The following RBFOX1 variants were observed in gnomAD, a reference collection of about 807,000 sequenced individuals.
The protein encoded by RBFOX1 is RNA binding protein fox-1 homolog 1.
RBFOX1 carries 8 observed loss-of-function variants against 57.7 expected under a neutral mutation model. The ratio of observed to expected loss-of-function variants is 0.14; its 90% CI spans 0.08 to 0.25. RBFOX1 has a LOEUF of 0.25. Among genes scored for constraint, RBFOX1 ranks in the 10% least tolerant of loss-of-function variants. RBFOX1 has a pLI of 1.00. For missense variants in RBFOX1, 611 were observed against 548.5 expected (o/e 1.11, Z -1.14); for synonymous variants, 326 against 222.4 (o/e 1.47, Z -4.15).
chr16:6,889,635 G>A lies in RBFOX1; in HGVS notation c.-15-162422G>A, dbSNP rs1055160025. ...AAGGGAAGAGTGCCAATCCATATCC[G>A]TAAGCCCATCCTCAATCCACCAGCT... On this transcript the variant is annotated intron_variant, in intron 3 of 15. Coordinates refer to ENST00000550418, the MANE Select transcript of RBFOX1 (RefSeq NM_018723.4). 5.9e-5 allele frequency among the ~76,000 whole-genome samples: 9 copies of A among 152,142 alleles called. 1 individual carries two copies. Among genetic ancestry groups the A allele is most frequent in the South Asian group, 2.1e-4 (1 of 4,830 alleles).
chr16:7,449,865 C>G (rs960918095), intron 4 of RBFOX1, among the ~76,000 whole-genome samples: 7 of 151,952 alleles, frequency 4.6e-5, no homozygotes, highest in African/African-American at 1.5e-4. Context: ...AGAGGAGTCT[C>G]AAATGCGAGG....
intron 2 of RBFOX1, among the ~76,000 whole-genome samples, chr16:6,361,361 G>A (rs901637714): frequency 1.1e-4 from 16 of 152,096 alleles, no homozygotes; most frequent in African/African-American, 3.6e-4. Context: ...CAGGCGCGGT[G>A]GCTCACACCT....
chr16:6,389,140 G>T (rs945960691), intron 2 of RBFOX1, among the ~76,000 whole-genome samples: 3 of 152,154 alleles, frequency 2.0e-5, no homozygotes, highest in African/African-American at 4.8e-5. Context: ...TCATCAGTAC[G>T]TTCAGTTCAT....
intron 4 of RBFOX1, among the ~76,000 whole-genome samples, chr16:7,500,664 C>A (rs2070457051): frequency 6.6e-6 from 1 of 152,170 alleles, no homozygotes; most frequent in Non-Finnish European, 1.5e-5. Context: ...CTCTCAGCTT[C>A]TTCCACTAAA....
chr16:7,371,478 G>A (rs748254219), intron 4 of RBFOX1, among the ~76,000 whole-genome samples: 5 of 152,168 alleles, frequency 3.3e-5, no homozygotes, highest in Admixed American at 6.5e-5. Flanking sequence ...GGCCAGGTGC[G>A]GTGGCTCACG....
At chr16:7,439,321 C>A (rs138736353) in intron 4 of RBFOX1, among the ~76,000 whole-genome samples, 1 of 150,096 alleles carries the variant, frequency 6.7e-6, no homozygotes, top group African/African-American at 2.5e-5. Context: ...TTTCATGGAA[C>A]GTCATGAGTC....
intron 4 of RBFOX1, among the ~76,000 whole-genome samples, chr16:7,202,091 G>T (rs970845343): frequency 3.3e-5 from 5 of 152,016 alleles, no homozygotes; most frequent in Admixed American, 3.3e-4. Flanking sequence ...AAATCAATAT[G>T]GGTTACTCAA....
At chr16:6,664,909 C>T (rs1003661841) in intron 3 of RBFOX1, among the ~76,000 whole-genome samples, 1 of 152,172 alleles carries the variant, frequency 6.6e-6, no homozygotes, top group Admixed American at 6.5e-5. Context: ...CCTGTCTGTC[C>T]ACAGCTGCAT....
At chr16:6,216,330 G>A (rs11077013) in intron 1 of RBFOX1, among the ~76,000 whole-genome samples, 57,846 of 152,020 alleles carry the variant, frequency 0.38, 11,605 homozygotes, top group South Asian at 0.53. Context: ...CTAGACAGAG[G>A]TGATTTCTTT....
At chr16:5,765,105 C>G (rs943319683) in intron 3 of RBFOX1, among the ~76,000 whole-genome samples, 1 of 152,182 alleles carries the variant, frequency 6.6e-6, no homozygotes, top group African/African-American at 2.4e-5. Flanking sequence ...TGCATGAAAG[C>G]ATCTCTTCTA....
At chr16:6,562,767 T>C (rs1307851687) in intron 2 of RBFOX1, among the ~76,000 whole-genome samples, 1 of 152,040 alleles carries the variant, frequency 6.6e-6, no homozygotes, top group African/African-American at 2.4e-5. Flanking sequence ...TTTTTTTCTT[T>C]CTAATTGAGA....
chr16:7,586,622 A>G (rs1308786334), intron 6 of RBFOX1, among the ~76,000 whole-genome samples: 3 of 152,188 alleles, frequency 2.0e-5, no homozygotes, highest in East Asian at 1.9e-4. Flanking sequence ...TGGACTTTTC[A>G]TAGAGCCTAT....
intron 3 of RBFOX1, among the ~76,000 whole-genome samples, chr16:5,674,017 C>T (rs1290538311): frequency 6.6e-6 from 1 of 152,146 alleles, no homozygotes; most frequent in Non-Finnish European, 1.5e-5. Context: ...GGGACTATGC[C>T]AGTTGCTTTA....
chr16:5,589,941 C>G (rs1435789106), intron 2 of RBFOX1, among the ~76,000 whole-genome samples: 1 of 152,122 alleles, frequency 6.6e-6, no homozygotes, highest in Non-Finnish European at 1.5e-5. Flanking sequence ...GCCATGGTAC[C>G]AGGGTCTCCC....
rs140920793 is a variant in RBFOX1 at position 6,184,682 on chromosome 16, C to G, written c.-126-132313C>G. On this transcript the variant is annotated intron_variant, in intron 1 of 15. Coordinates refer to ENST00000550418, the MANE Select transcript of RBFOX1 (RefSeq NM_018723.4). ...TCAAGCAATTCTCCTGCCTCACCGT[C>G]TCGAGTAGCTGGGATTACAGGTGGC... 2.2e-3 allele frequency among the ~76,000 whole-genome samples: 335 copies of G among 151,994 alleles called. 1 individual carries two copies. The highest frequency in any genetic ancestry group is 7.5e-3 in the African/African-American group (313 of 41,468).
At chr16:7,649,303 G>A (rs2064434668) in intron 11 of RBFOX1, among the ~76,000 whole-genome samples, 1 of 152,126 alleles carries the variant, frequency 6.6e-6, no homozygotes, top group Admixed American at 6.5e-5. Context: ...TATTTTGCAA[G>A]AATCAATATT....
intron 3 of RBFOX1, among the ~76,000 whole-genome samples, chr16:6,675,282 G>A (rs1275447923): frequency 6.6e-6 from 1 of 152,158 alleles, no homozygotes; most frequent in Admixed American, 6.5e-5. Context: ...TTCCATGTCT[G>A]AAAATCGAGG....
chr16:7,504,959 C>G (rs983320643), intron 4 of RBFOX1, among the ~76,000 whole-genome samples: 2 of 149,504 alleles, frequency 1.3e-5, no homozygotes, highest in African/African-American at 5.0e-5. Flanking sequence ...CGCAGCATGC[C>G]TTTCCAGCGC....
intron 3 of RBFOX1, among the ~76,000 whole-genome samples, chr16:6,972,265 A>G (rs1247943029): frequency 6.6e-6 from 1 of 151,954 alleles, no homozygotes; most frequent in Non-Finnish European, 1.5e-5. Context: ...CCCTCTCCCC[A>G]GCCCCTGGTA....
Sources: allele counts gnomAD v4.1 joint callset (sites outside exome capture counted in the v4.1 genomes callset), GRCh38; gene constraint gnomAD v4.1.1; transcripts MANE v1.5; gene names NCBI Gene and HGNC (gene_info 2026-07-23, HGNC 2026-07-21).